The following AP4S1 variants were observed in gnomAD, a reference collection of about 807,000 sequenced individuals.
AP4S1 encodes the protein adaptor related protein complex 4 subunit sigma 1.
Under a neutral mutation model 19.8 loss-of-function variants are expected in AP4S1, and 23 were observed. That is an observed-to-expected ratio of 1.16 (90% CI 0.84 to 1.65). The LOEUF (loss-of-function observed/expected upper bound fraction) is 1.65, where lower values mean the gene tolerates loss of function less well. Ranked by LOEUF, AP4S1 falls within the 40% of genes most tolerant of loss-of-function variation. AP4S1 has a pLI of 0.00. For missense variants in AP4S1, 166 were observed against 172.8 expected (o/e 0.96, Z 0.22); for synonymous variants, 46 against 54.1 (o/e 0.85, Z 0.66).
At chr14:31,090,654 A>G (rs545750778) in intron 5 of AP4S1, among the ~76,000 whole-genome samples, 1 of 152,354 alleles carries the variant, frequency 6.6e-6, no homozygotes, top group African/African-American at 2.4e-5. Flanking sequence ...CAGTGTGTTT[A>G]TTCCATGGGC....
chr14:31,043,375 A>C (rs2139458759), intron 1 of AP4S1, among the ~76,000 whole-genome samples: 1 of 152,298 alleles, frequency 6.6e-6, no homozygotes, highest in Non-Finnish European at 1.5e-5. Context: ...TTGAATCATA[A>C]AGGAGGGATT....
Position 31,066,165 on chromosome 14 carries a change from G to A in AP4S1, c.-32G>A. The A allele has an allele frequency of 6.2e-7, 1 of 1,611,836 alleles. No individual in the cohort carries two copies. The highest frequency in any genetic ancestry group is 8.5e-7 in the Non-Finnish European group (1 of 1,178,886). ...CATCCCTTGTCATAACTTTTGAACT[G>A]TATTTGGAAAAATACTGGCCAGGAA... On this transcript the variant is annotated 5_prime_UTR_variant, in exon 2 of 6. Coordinates refer to ENST00000542754, the MANE Select transcript of AP4S1 (RefSeq NM_001128126.3).
intron 5 of AP4S1, chr14:31,084,743 T>A (rs370072298): frequency 1.8e-4 from 297 of 1,613,848 alleles, no homozygotes; most frequent in Non-Finnish European, 2.5e-4. Flanking sequence ...GACTTCAAAT[T>A]TTATGAATTA....
In AP4S1 at chr14:31,064,750, T is replaced by C. The variant is rs908256763; in HGVS notation, c.-71-1376T>C. On this transcript the variant is annotated intron_variant, in intron 1 of 5. Coordinates refer to ENST00000542754, the MANE Select transcript of AP4S1 (RefSeq NM_001128126.3). ...AGCAGGAGGATCACTTGAGCCTAAG[T>C]GTTCAAGAACGGCTGGCAATATAGT... Among the ~76,000 whole-genome samples, 5 of 152,286 alleles carry C rather than the reference T, an allele frequency of 3.3e-5. No homozygotes were observed. The East Asian group carries it at 9.7e-4, about 29-fold the overall frequency.
At chr14:31,056,201 G>T (rs1236797832) in intron 1 of AP4S1, among the ~76,000 whole-genome samples, 1 of 151,834 alleles carries the variant, frequency 6.6e-6, no homozygotes, top group African/African-American at 2.4e-5. Flanking sequence ...CTTTAGAGAC[G>T]AGGTCTTGCT....
chr14:31,085,156 T>C, intron 5 of AP4S1: 2 of 1,224,090 alleles, frequency 1.6e-6, no homozygotes, highest in Non-Finnish European at 2.1e-6. Flanking sequence ...CCTTTCCCCA[T>C]CATGGGGCAG....
chr14:31,066,666 C>T (rs980455242), intron 2 of AP4S1, among the ~76,000 whole-genome samples: 3 of 152,138 alleles, frequency 2.0e-5, no homozygotes, highest in Non-Finnish European at 4.4e-5. Context: ...GCCCTTGAAA[C>T]TCTCATGAGT....
At chr14:31,084,927 C>T (rs768853634) in intron 5 of AP4S1, 1 of 1,613,744 alleles carries the variant, frequency 6.2e-7, no homozygotes, top group Non-Finnish European at 8.5e-7. Context: ...ATGGGAGACA[C>T]ACCAACTACT....
At chr14:31,047,507 C>A (rs1415599145) in intron 1 of AP4S1, among the ~76,000 whole-genome samples, 1 of 151,652 alleles carries the variant, frequency 6.6e-6, no homozygotes, top group African/African-American at 2.4e-5. Flanking sequence ...CCTGCCTCAG[C>A]CTCCAGAGTA....
chr14:31,028,410 C>G (rs1306766289), intron 1 of AP4S1, among the ~76,000 whole-genome samples: 1 of 151,960 alleles, frequency 6.6e-6, no homozygotes, highest in Non-Finnish European at 1.5e-5. Flanking sequence ...ACTCCTGGCT[C>G]AAGTGGTCCA....
intron 1 of AP4S1, among the ~76,000 whole-genome samples, chr14:31,062,244 G>A (rs928907146): frequency 3.9e-5 from 6 of 151,988 alleles, no homozygotes; most frequent in South Asian, 2.1e-4. Flanking sequence ...GATTACAGGC[G>A]CCCACCACCA....
Position 31,084,722 on chromosome 14 carries a change from GATTT to G in AP4S1, c.306+4144_306+4147del, listed in dbSNP as rs778167831. 4 of 1,612,758 alleles carry G rather than the reference GATTT, an allele frequency of 2.5e-6. No homozygotes were observed. In the Admixed American group the frequency reaches 6.7e-5, roughly 27 times the overall value. On this transcript the variant is annotated intron_variant, in intron 5 of 5. Coordinates refer to ENST00000542754, the MANE Select transcript of AP4S1 (RefSeq NM_001128126.3). ...CTTTGCCCCATCACATACCTTGGTA[GATTT>G]ATTTAAGACTTCAAATTTTATGAAT...
intron 5 of AP4S1, among the ~76,000 whole-genome samples, chr14:31,082,768 C>T (rs1044772387): frequency 8.9e-4 from 135 of 152,176 alleles, no homozygotes; most frequent in South Asian, 2.1e-3. Context: ...CGGTGGCGGG[C>T]GCCTGTAGTC....
chr14:31,093,104 T>C lies in AP4S1; in HGVS notation c.*69T>C. The C allele has an allele frequency of 2.0e-6, 3 of 1,468,942 alleles. No homozygotes were observed. The highest frequency in any genetic ancestry group is 2.8e-5 in the South Asian group (2 of 72,242). 91.0% of individuals were successfully genotyped at this position (1,468,942 alleles called of 1,614,324 possible). ...GTACCGTGGAATACATCTCAACATG[T>C]TAACCCAGAAGAATCTGGAAGACCA... is the stretch of plus-strand genomic sequence containing the variant. On this transcript the variant is annotated 3_prime_UTR_variant, in exon 6 of 6. Coordinates refer to ENST00000542754, the MANE Select transcript of AP4S1 (RefSeq NM_001128126.3).
chr14:31,036,183 GA>G (rs1393294121), intron 1 of AP4S1, among the ~76,000 whole-genome samples: 24 of 141,704 alleles, frequency 1.7e-4, no homozygotes, highest in South Asian at 4.6e-4. Context: ...TAACAAAAAA[GA>G]AAAAAATAAT....
rs181838528 is a variant in AP4S1 at position 31,057,782 on chromosome 14, C to G, written c.-71-8344C>G. Among the ~76,000 whole-genome samples, 818 of 152,094 alleles carry G rather than the reference C, an allele frequency of 5.4e-3. 6 individuals carry two copies. The highest frequency in any genetic ancestry group is 0.019 in the African/African-American group (780 of 41,514). ...CTATGATTACAGGCACCCGACAACACGCCTGGCTAATTTTTTTGTATTTTT... is the reference window on the plus strand; with the variant it reads ...CTATGATTACAGGCACCCGACAACAGGCCTGGCTAATTTTTTTGTATTTTT... On this transcript the variant is annotated intron_variant, in intron 1 of 5. Transcript: ENST00000542754.
intron 5 of AP4S1, among the ~76,000 whole-genome samples, chr14:31,081,668 A>G (rs999898157): frequency 4.0e-5 from 6 of 151,404 alleles, no homozygotes; most frequent in African/African-American, 1.5e-4. Flanking sequence ...AAATATTTAT[A>G]TAAGAATATA....
chr14:31,032,926 T>G (rs1432502646), intron 1 of AP4S1: 1 of 152,236 alleles, frequency 6.6e-6, no homozygotes, highest in Non-Finnish European at 1.5e-5. Context: ...GTCATCTTTT[T>G]TGCATCATCT....
chr14:31,076,441 A>G (rs1311985396), intron 4 of AP4S1, among the ~76,000 whole-genome samples: 1 of 152,206 alleles, frequency 6.6e-6, no homozygotes, highest in Admixed American at 6.5e-5. Context: ...TCATATGTTT[A>G]TTAGCCATTT....
Sources: allele counts gnomAD v4.1 joint callset (sites outside exome capture counted in the v4.1 genomes callset), GRCh38; gene constraint gnomAD v4.1.1; transcripts MANE v1.5; gene names NCBI Gene and HGNC (gene_info 2026-07-23, HGNC 2026-07-21).